The following SYNE2 variants were observed in gnomAD, a reference collection of about 807,000 sequenced individuals.
SYNE2 encodes spectrin repeat containing nuclear envelope protein 2.
In SYNE2, 431 loss-of-function variants were observed where a neutral mutation model predicts 856.3. That is an observed-to-expected ratio of 0.50 (90% CI 0.47 to 0.55). SYNE2 has a LOEUF of 0.55. Ranked by LOEUF, SYNE2 falls within the 20% of genes least tolerant of loss-of-function variation. SYNE2 has a pLI of 0.00. For synonymous variants in SYNE2, 2,923 were observed against 2,872.3 expected, an observed-to-expected ratio of 1.02 and a Z score of -0.56; for missense variants, 8,129 against 8,023.2, an observed-to-expected ratio of 1.01 and a Z score of -0.50.
chr14:64,185,158 T>C (rs2153744802), intron 96 of SYNE2, among the ~76,000 whole-genome samples: 1 of 152,326 alleles, frequency 6.6e-6, no homozygotes, highest in Admixed American at 6.5e-5. Flanking sequence ...CTCTGGAGGC[T>C]GAAGCATGAG....
intron 1 of SYNE2, among the ~76,000 whole-genome samples, chr14:63,866,595 T>A (rs1181424993): frequency 2.0e-5 from 3 of 152,216 alleles, no homozygotes; most frequent in Non-Finnish European, 4.4e-5. Flanking sequence ...TACTTTGTTA[T>A]AGCTTAAAAG....
chr14:63,831,280 C>T (rs1183693894), intron 1 of SYNE2, among the ~76,000 whole-genome samples: 2 of 152,128 alleles, frequency 1.3e-5, no homozygotes, highest in Admixed American at 1.3e-4. Flanking sequence ...GTTGTCTTCA[C>T]ATATGAAGTG....
intron 36 of SYNE2, 89 bp from the exon 37 acceptor site, chr14:64,021,768 A>T: frequency 6.9e-7 from 1 of 1,446,036 alleles, no homozygotes; most frequent in African/African-American, 1.4e-5. Flanking sequence ...AGTCATTGAG[A>T]TTTTTACAAA....
intron 11 of SYNE2, among the ~76,000 whole-genome samples, chr14:63,974,246 G>A (rs1872313031): frequency 6.6e-6 from 1 of 152,140 alleles, no homozygotes; most frequent in South Asian, 2.1e-4. Flanking sequence ...AATGAAAAGA[G>A]GCTTATTTGG....
At chr14:64,163,861 A>G (rs1289403378) in intron 89 of SYNE2, among the ~76,000 whole-genome samples, 2 of 152,194 alleles carry the variant, frequency 1.3e-5, no homozygotes, top group African/African-American at 2.4e-5. Flanking sequence ...GAGTCAAGTA[A>G]TTGAGCCATA....
At chr14:64,119,324 T>C in intron 66 of SYNE2, 103 bp from the exon 67 acceptor site, 3 of 1,442,338 alleles carry the variant, frequency 2.1e-6, no homozygotes, top group Non-Finnish European at 1.9e-6. Context: ...TTCTGGGACT[T>C]CTTGTATACA....
intron 78 of SYNE2, among the ~76,000 whole-genome samples, chr14:64,134,434 T>C (rs1458526960): frequency 1.3e-5 from 2 of 152,174 alleles, no homozygotes; most frequent in East Asian, 1.9e-4. Flanking sequence ...CCATCACTTA[T>C]CACTTCTGTG....
At chr14:63,776,383 C>T (rs965852561) in intron 1 of SYNE2, among the ~76,000 whole-genome samples, 1 of 152,038 alleles carries the variant, frequency 6.6e-6, no homozygotes, top group East Asian at 1.9e-4. Flanking sequence ...AATCTCTTTG[C>T]CTTTTAGTTT....
chr14:64,198,145 A>G (rs941168241), intron 99 of SYNE2, among the ~76,000 whole-genome samples: 3 of 152,312 alleles, frequency 2.0e-5, no homozygotes, highest in East Asian at 1.9e-4. Flanking sequence ...TGAAATGTCT[A>G]TGTGAGAAAT....
At chr14:64,074,180 C>T (rs1371008131) in intron 53 of SYNE2, 44 bp downstream of exon 53, 1 of 1,585,520 alleles carries the variant, frequency 6.3e-7, no homozygotes, top group South Asian at 1.1e-5. Flanking sequence ...TACAGGCCCA[C>T]AGTCTTGTAT....
chr14:64,055,428 G>C (rs1029545204), intron 48 of SYNE2, among the ~76,000 whole-genome samples: 9 of 149,866 alleles, frequency 6.0e-5, no homozygotes, highest in Non-Finnish European at 8.9e-5. Flanking sequence ...GAGTGCAGTG[G>C]CGCGATCTCG....
intron 94 of SYNE2, 129 bp downstream of exon 94, chr14:64,170,591 C>A: frequency 1.1e-6 from 1 of 947,352 alleles, no homozygotes; most frequent in Non-Finnish European, 1.6e-6. Flanking sequence ...GTGAGGCCAG[C>A]AAGGTGCAGT....
intron 32 of SYNE2, among the ~76,000 whole-genome samples, chr14:64,013,377 G>T: frequency 1.4e-5 from 2 of 138,338 alleles, no homozygotes; most frequent in African/African-American, 2.7e-5. Context: ...TTTCTTATAT[G>T]CGTATATTGT....
Position 64,143,845 on chromosome 14 carries a change from C to T in SYNE2, c.15380C>T (p.Thr5127Ile). ...FVNQSLLQLS[T>I]CDVESKRYER... Reference sequence around the variant, plus strand: ...AACCAGTCATTACTTCAGCTAAGCACCTGTGATGTAGAAAGCAAGCGCTAT... The same window carrying T: ...AACCAGTCATTACTTCAGCTAAGCATCTGTGATGTAGAAAGCAAGCGCTAT... The change falls in exon 83 of 116, where the codon ACC becomes ATC. Residue 5127 changes from threonine to isoleucine, a missense_variant. By Grantham distance (89) the Thr-to-Ile change is moderately conservative. This residue lies in a region of SYNE2 where 5,410 missense variants were observed against 5,284.8 expected (regional missense o/e 1.02). Coordinates refer to ENST00000555002, the MANE Select transcript of SYNE2 (RefSeq NM_182914.3). 1.2e-6 allele frequency: 2 copies of T among 1,614,142 alleles called. No homozygotes were observed. Among genetic ancestry groups the T allele is most frequent in the Non-Finnish European group, 1.7e-6 (2 of 1,180,008 alleles).
Position 64,122,361 on chromosome 14 carries a change from GCAATATCTGCAT to G in SYNE2, c.13359_13370del (p.Gln4453_His4456del), listed in dbSNP as rs1365325370. 7.4e-6 allele frequency: 12 copies of G among 1,614,152 alleles called. No individual in the cohort carries two copies. The South Asian group carries it at 1.3e-4, about 18-fold the overall frequency. Reference sequence around the variant, plus strand: ...CCCAGGGCCAAAATGGAGATAAGTGGCAATATCTGCATCATGAACTCTCATCAAAAATAAAGC... The same window carrying G: ...CCCAGGGCCAAAATGGAGATAAGTGGCATGAACTCTCATCAAAAATAAAGC... On this transcript the variant is annotated inframe_deletion, in exon 70 of 116. Transcript: ENST00000555002.
At chr14:63,798,115 C>T (rs1887990800) in intron 1 of SYNE2, among the ~76,000 whole-genome samples, 1 of 152,230 alleles carries the variant, frequency 6.6e-6, no homozygotes, top group South Asian at 2.1e-4. Flanking sequence ...GTGCAGCTCA[C>T]TGCAGCCTCC....
At chr14:64,176,386 AC>A (rs1418474669) in intron 95 of SYNE2, among the ~76,000 whole-genome samples, 3 of 152,244 alleles carry the variant, frequency 2.0e-5, no homozygotes, top group Non-Finnish European at 2.9e-5. Context: ...ATATGATAAT[AC>A]TTTCCTTGTC....
intron 96 of SYNE2, 29 bp downstream of exon 96, chr14:64,177,512 T>C (rs1411774784): frequency 1.2e-6 from 2 of 1,614,130 alleles, no homozygotes; most frequent in Admixed American, 3.3e-5. Flanking sequence ...GTGGCCAAGA[T>C]AATCACTTAG....
chr14:63,999,120 T>C, intron 27 of SYNE2, 80 bp downstream of exon 27: 1 of 1,354,540 alleles, frequency 7.4e-7, no homozygotes, highest in Non-Finnish European at 1.0e-6. Context: ...CATCCCCTTT[T>C]CTGTTGAGGT....
Sources: allele counts gnomAD v4.1 joint callset (sites outside exome capture counted in the v4.1 genomes callset), GRCh38; gene constraint gnomAD v4.1.1; regional missense constraint gnomAD v4.1.1; transcripts MANE v1.5; gene names NCBI Gene and HGNC (gene_info 2026-07-23, HGNC 2026-07-21).